CDH16: variants seen among roughly 807,000 people sequenced by gnomAD.
CDH16 encodes the protein cadherin 16.
A neutral mutation model predicts 87.6 loss-of-function variants in CDH16; 79 were observed. That is an observed-to-expected ratio of 0.90 (90% CI 0.75 to 1.09). The LOEUF is 1.09. Ranked by LOEUF, CDH16 falls within the 50% of genes least tolerant of loss-of-function variation. CDH16 has a pLI of 0.00. For missense variants in CDH16, 1,124 were observed against 1,071.7 expected, an observed-to-expected ratio of 1.05 and a Z score of -0.68; for synonymous variants, 457 against 439.5, an observed-to-expected ratio of 1.04 and a Z score of -0.50.
chr16:66,915,910 A>AAAAAGAAAAGAAAAAAGAG (rs1962657704), intron 5 of CDH16, among the ~76,000 whole-genome samples, 155 bp downstream of exon 5: 1 of 152,164 alleles, frequency 6.6e-6, no homozygotes, highest in East Asian at 1.9e-4. Context: ...AAAAAAAGAA[A>AAAAAGAAAAGAAAAAAGAG]AAAAGAAAAG....
intron 6 of CDH16, 53 bp from the exon 7 acceptor site, chr16:66,914,465 G>T: frequency 6.6e-6 from 9 of 1,362,880 alleles, no homozygotes; most frequent in Non-Finnish European, 9.3e-6. Flanking sequence ...CAGGGGCCAG[G>T]GCATCATTCT....
At chr16:66,917,598 C>T (rs370204883) in intron 3 of CDH16, 44 bp downstream of exon 3, 48 of 1,397,282 alleles carry the variant, frequency 3.4e-5, no homozygotes, top group Admixed American at 7.1e-5. Flanking sequence ...CAGGACTTTG[C>T]GGGGAGGGAT....
rs1023338184 is a variant in CDH16, at chr16:66,912,717, C to A, written c.1229G>T (p.Gly410Val). The stretch of plus-strand genomic sequence containing the variant: ...CAGCACCAGAAGCAGGATGTTCTGG[C>A]CTGCTCGGAGTGGGAGCACCCCCAG... ...VTLGVLPLRA[G>V]QNILLLVLAM... is the part of the protein sequence containing the mutation. Residue 410 changes from glycine (G) to valine (V), a missense_variant, in exon 10 of 18, where the codon GGC (glycine) becomes GTC (valine). Coordinates refer to ENST00000299752, the MANE Select transcript of CDH16 (RefSeq NM_004062.4). 3.0e-5 allele frequency: 49 copies of A among 1,613,850 alleles called. No homozygotes were observed. Among genetic ancestry groups the A allele is most frequent in the Non-Finnish European group, 4.1e-5 (48 of 1,180,038 alleles).
Position 66,916,194 on chromosome 16 carries a change from C to G in CDH16, c.295G>C (p.Glu99Gln). The change falls in exon 5 of 18, where the codon GAG (glutamate) becomes CAG (glutamine). Residue 99 changes from glutamate to glutamine, a missense_variant. Transcript: ENST00000299752. The surrounding 1 kb of genome is among the most constrained non-coding windows in gnomAD (Gnocchi z 4.1). ...CACAAGACATGTCCATCCTGCATCT[C>G]CAGGGTGACCTGGCAGGGAAGGGGA... ...QAEYQLQVTL[E>Q]MQDGHVLWGP... 1.9e-6 allele frequency: 3 copies of G among 1,614,254 alleles called. No individual in the cohort carries two copies.
At chr16:66,912,965 G>T in intron 9 of CDH16, 74 bp from the exon 10 acceptor site, 8 of 1,464,908 alleles carry the variant, frequency 5.5e-6, no homozygotes, top group African/African-American at 1.4e-5. Flanking sequence ...TCCTTATTTT[G>T]TGCCAAACTA....
chr16:66,909,284 C>T lies in CDH16; in HGVS notation c.2375G>A (p.Gly792Asp). Residue 792 changes from glycine (G) to aspartate (D), a missense_variant, in exon 17 of 18, where the codon GGC (glycine) becomes GAC (aspartate). Gly to Asp is a moderately conservative substitution (Grantham distance 94). Transcript: ENST00000299752. The surrounding 1 kb of genome is among the most constrained non-coding windows in gnomAD (Gnocchi z 4.1). ...TCCATTACCTATTGCTACCAGGGTGCCTACAAGGATGCCCACTGCCGACAG... is the reference window on the plus strand; with the variant it reads ...TCCATTACCTATTGCTACCAGGGTGTCTACAAGGATGCCCACTGCCGACAG... ...TKLSAVGILVGTLVAIGIFLI... is the reference protein window; with the variant it reads ...TKLSAVGILVDTLVAIGIFLI... 1 of 1,611,406 alleles carries T rather than the reference C, an allele frequency of 6.2e-7. No homozygotes were observed. The highest frequency in any genetic ancestry group is 1.7e-4 in the Middle Eastern group (1 of 6,058).
At position 66,908,446 on chromosome 16, in the gene CDH16, C is replaced by T; in HGVS notation, c.2436G>A (p.Arg812=). ...CTGCTGGTTGATCCGGGTCCTTCTT[C>T]CTTGACATGGTCCAGTGGGTGAAAA... is the stretch of plus-strand genomic sequence containing the variant. ...ILIFTHWTMS[R]KKDPDQPADS... is the part of the protein sequence containing the mutation. The change falls in exon 18 of 18, where the codon AGG becomes AGA. Residue 812 remains arginine (R), a synonymous_variant. Coordinates refer to ENST00000299752, the MANE Select transcript of CDH16 (RefSeq NM_004062.4). The T allele has an allele frequency of 6.2e-7, 1 of 1,614,128 alleles. No homozygotes were observed. Among genetic ancestry groups the T allele is most frequent in the South Asian group, 1.1e-5 (1 of 91,082 alleles).
intron 8 of CDH16, 50 bp from the exon 9 acceptor site, chr16:66,913,331 C>G (rs770919585): frequency 5.2e-6 from 8 of 1,549,892 alleles, no homozygotes; most frequent in Non-Finnish European, 5.2e-6. Context: ...GCAGCTCCAG[C>G]CTTGCCTGGC....
Position 66,911,937 on chromosome 16 carries a change from C to T in CDH16, c.1752G>A (p.Leu584=). The T allele has an allele frequency of 6.2e-7, 1 of 1,611,612 alleles. No individual in the cohort carries two copies. Among genetic ancestry groups the T allele is most frequent in the Non-Finnish European group, 8.5e-7 (1 of 1,178,156 alleles). The change falls in exon 13 of 18, where the codon CTG becomes CTA. Residue 584 remains leucine (L), a synonymous_variant. Coordinates refer to ENST00000299752, the MANE Select transcript of CDH16 (RefSeq NM_004062.4). ...PISAPAGSFL[L]TIQPSDPISR... ...TGATGGGGTCGGAGGGCTGGATGGT[C>T]AGCAGGAAAGAGCCGGCTGGGGCAC...
intron 17 of CDH16, 125 bp from the exon 18 acceptor site, chr16:66,908,614 G>A (rs1385637430): frequency 1.3e-5 from 10 of 773,904 alleles, no homozygotes; most frequent in Non-Finnish European, 2.2e-5. Flanking sequence ...GCATCCTGAG[G>A]CTGGGCTGGG....
rs774582316 is a variant in CDH16, at chr16:66,914,362, G to C, written c.634C>G (p.Gln212Glu). 1.9e-6 allele frequency: 3 copies of C among 1,614,210 alleles called. No individual in the cohort carries two copies. In the South Asian group the frequency reaches 3.3e-5, roughly 18 times the overall value. ...GCCTGGTCACCCATGTCCTTGACCTGTACCAACAGCTGGTAGGTCCTCTCC... is the reference window on the plus strand; with the variant it reads ...GCCTGGTCACCCATGTCCTTGACCTCTACCAACAGCTGGTAGGTCCTCTCC... Reference protein sequence around the residue: ...ALERTYQLLVQVKDMGDQASG... With the variant: ...ALERTYQLLVEVKDMGDQASG... Residue 212 changes from glutamine (Q) to glutamate (E), a missense_variant, in exon 7 of 18, where the codon CAG (glutamine) becomes GAG (glutamate). Transcript: ENST00000299752.
intron 17 of CDH16, among the ~76,000 whole-genome samples, chr16:66,908,872 G>A (rs145662400): frequency 3.6e-4 from 55 of 152,286 alleles, no homozygotes; most frequent in African/African-American, 1.2e-3. Context: ...GGGGATAGAA[G>A]GGGTGGCTTA....
At position 66,909,844 on chromosome 16, in the gene CDH16, G is replaced by T. The variant is rs865881513; in HGVS notation, c.2275+142C>A. 3.4e-5 allele frequency: 22 copies of T among 656,418 alleles called. No homozygotes were observed. In the Middle Eastern group the frequency reaches 2.8e-3, roughly 84 times the overall value. The allele number at this position is 656,418 out of a possible 1,614,324, so 40.7% of individuals were successfully genotyped here. A position where few individuals can be genotyped will look rare whatever the true frequency, so the allele number is the denominator to read the frequency against. ...TGCCTGTTCCTGTGTGCCCAGGTAT[G>T]TGTGCCCAGCCATAGGTGTGCAAGT... is the stretch of plus-strand genomic sequence containing the variant. On this transcript the variant is annotated intron_variant, in intron 16 of 17. Coordinates refer to ENST00000299752, the MANE Select transcript of CDH16 (RefSeq NM_004062.4). The surrounding 1 kb of genome is among the most constrained non-coding windows in gnomAD (Gnocchi z 4.1).
chr16:66,911,240 G>C lies in CDH16; in HGVS notation c.1866C>G (p.Ser622=), dbSNP rs1038231916. 1.9e-6 allele frequency: 3 copies of C among 1,613,432 alleles called. No homozygotes were observed. The highest frequency in any genetic ancestry group is 2.5e-6 in the Non-Finnish European group (3 of 1,179,760). ...KFSGEVHTAQ[S]LQGAQPGDTY... is the part of the protein sequence containing the mutation. ...TGTCCCCAGGCTGGGCGCCCTGCAG[G>C]GACTGGGCGGTGTGCACCTCCCCGG... is the stretch of plus-strand genomic sequence containing the variant. The change falls in exon 14 of 18, where the codon TCC becomes TCG. Residue 622 remains serine, a synonymous_variant. Coordinates refer to ENST00000299752, the MANE Select transcript of CDH16 (RefSeq NM_004062.4).
Position 66,910,282 on chromosome 16 carries a change from A to C in CDH16, c.2145T>G (p.Asp715Glu), listed in dbSNP as rs1456522630. ...TLGPNPTVQRDWRLQTLNGSH... is the reference protein window; with the variant it reads ...TLGPNPTVQREWRLQTLNGSH... ...CACCATTGAGAGTCTGGAGGCGCCA[A>C]TCCCGTTGCACCGTGGGGTTGGGAC... Residue 715 changes from aspartate (D) to glutamate (E), a missense_variant, in exon 15 of 18, where the codon GAT becomes GAG. Coordinates refer to ENST00000299752, the MANE Select transcript of CDH16 (RefSeq NM_004062.4). The C allele has an allele frequency of 6.2e-7, 1 of 1,607,304 alleles. No individual in the cohort carries two copies.
chr16:66,915,082 G>T, intron 6 of CDH16, 138 bp downstream of exon 6: 1 of 794,688 alleles, frequency 1.3e-6, no homozygotes, highest in South Asian at 1.7e-5. Flanking sequence ...CCCCTGCCTT[G>T]TTGCTGTCTC....
At chr16:66,913,338 TG>T (rs1962520872) in intron 8 of CDH16, 57 bp from the exon 9 acceptor site, 2 of 1,549,868 alleles carry the variant, frequency 1.3e-6, no homozygotes, top group South Asian at 1.3e-5. Flanking sequence ...CAGCCTTGCC[TG>T]GCTCTGAGTT....
chr16:66,911,002 G>A, intron 14 of CDH16, 180 bp downstream of exon 14: 1 of 573,398 alleles, frequency 1.7e-6, no homozygotes, highest in Non-Finnish European at 3.0e-6. Flanking sequence ...TGCCAGACTT[G>A]CCCACCGGAG....
At chr16:66,918,101 TCCAG>T in intron 1 of CDH16, 23 bp from the exon 2 acceptor site, 1 of 1,534,864 alleles carries the variant, frequency 6.5e-7, no homozygotes, top group Non-Finnish European at 8.8e-7. Flanking sequence ...GCAGTGAGGA[TCCAG>T]CCCAGGTGGG....
Sources: gnomAD v4.1 joint callset for allele counts (sites outside exome capture counted in the v4.1 genomes callset) on GRCh38, gnomAD v4.1.1 for gene constraint, Gnocchi (gnomAD v3.1) non-coding constraint, MANE v1.5 for transcripts, NCBI Gene and HGNC (gene_info 2026-07-23, HGNC 2026-07-21) for gene names.